CPAP: variants seen among roughly 807,000 people sequenced by gnomAD.
The protein encoded by CPAP is centrosome assembly and centriole elongation protein.
the CPAP span, chr13:24,892,999 TTAAGA>T: frequency 1.4e-6 from 1 of 733,748 alleles, no homozygotes; most frequent in Non-Finnish European, 2.3e-6. Flanking sequence ...CAGACGACAT[TTAAGA>T]CGAATGTCGT....
the CPAP span, chr13:24,913,230 G>C: frequency 1.8e-5 from 10 of 558,696 alleles, no homozygotes; most frequent in Middle Eastern, 9.3e-4. Flanking sequence ...AAAGCAATTG[G>C]GCATTGAGCT....
At chr13:24,903,820 T>A in the CPAP span, 2 of 1,249,608 alleles carry the variant, frequency 1.6e-6, no homozygotes, top group Non-Finnish European at 2.3e-6. Context: ...CCTTTTCAAT[T>A]ATATTTGTTT....
the CPAP span, chr13:24,884,522 T>C: frequency 6.5e-7 from 1 of 1,545,016 alleles, no homozygotes; most frequent in Non-Finnish European, 8.9e-7. Flanking sequence ...GTATGGCTAA[T>C]TCTCCTCCCA....
At chr13:24,922,881 G>C in the CPAP span, 1 of 152,570 alleles carries the variant, frequency 6.6e-6, no homozygotes, top group Non-Finnish European at 1.5e-5. Flanking sequence ...CCGAGGTCCT[G>C]TGGGAAGTGA....
chr13:24,895,554 C>CAAGAAAGAA, the CPAP span, among the ~76,000 whole-genome samples: 4 of 150,240 alleles, frequency 2.7e-5, no homozygotes, highest in Middle Eastern at 3.4e-3. Flanking sequence ...GAGACTCCGT[C>CAAGAAAGAA]AAGAAAGAAA....
chr13:24,904,000 T>C, the CPAP span: 2 of 1,614,136 alleles, frequency 1.2e-6, no homozygotes, highest in Non-Finnish European at 1.7e-6. Context: ...TAAACTTTTC[T>C]ATTTCTGTTT....
the CPAP span, among the ~76,000 whole-genome samples, chr13:24,930,301 A>G: frequency 8.3e-3 from 1,265 of 151,832 alleles, 5 homozygotes; most frequent in Non-Finnish European, 0.013. Context: ...AATAATCTTT[A>G]TTTTTTTAAA....
At chr13:24,894,225 C>T in the CPAP span, among the ~76,000 whole-genome samples, 1 of 152,118 alleles carries the variant, frequency 6.6e-6, no homozygotes, top group Non-Finnish European at 1.5e-5. Context: ...GGTGTCTGAG[C>T]GAAGGGGATC....
the CPAP span, chr13:24,912,822 T>C: frequency 2.5e-5 from 40 of 1,614,090 alleles, no homozygotes; most frequent in African/African-American, 4.8e-4. Context: ...CTTCTTCATT[T>C]ATAAAGCTGA....
At chr13:24,904,047 G>A in the CPAP span, 44 of 1,613,668 alleles carry the variant, frequency 2.7e-5, no homozygotes, top group Admixed American at 3.0e-4. Flanking sequence ...ACCTGGGATC[G>A]AGCATTGTCA....
chr13:24,913,119 T>C, the CPAP span: 3 of 1,108,932 alleles, frequency 2.7e-6, no homozygotes, highest in Non-Finnish European at 4.0e-6. Context: ...CAACAAAATG[T>C]ATTAGGTAAA....
the CPAP span, among the ~76,000 whole-genome samples, chr13:24,916,273 A>G: frequency 2.0e-5 from 3 of 152,218 alleles, no homozygotes; most frequent in Non-Finnish European, 2.9e-5. Context: ...ACTACTTTCC[A>G]GACACAATTC....
chr13:24,903,590 GT>G, the CPAP span, among the ~76,000 whole-genome samples: 2 of 152,222 alleles, frequency 1.3e-5, no homozygotes, highest in African/African-American at 4.8e-5. Flanking sequence ...CATTTCTATT[GT>G]TTAAAGCCAC....
At chr13:24,886,177 A>ACTG in the CPAP span, 2 of 552,556 alleles carry the variant, frequency 3.6e-6, no homozygotes, top group East Asian at 1.4e-4. Flanking sequence ...CTAAAAATAC[A>ACTG]CTGAAGTGCC....
At chr13:24,919,013 C>T in the CPAP span, among the ~76,000 whole-genome samples, 1 of 149,702 alleles carries the variant, frequency 6.7e-6, no homozygotes, top group Non-Finnish European at 1.5e-5. Flanking sequence ...TATAAAAAAG[C>T]CTGGAAAGAA....
At chr13:24,906,948 G>A in the CPAP span, 1 of 1,613,536 alleles carries the variant, frequency 6.2e-7, no homozygotes, top group Non-Finnish European at 8.5e-7. Context: ...ATTGGCAATG[G>A]TCCTTCTGCT....
chr13:24,915,447 ATAAAGATGGTATT>A, the CPAP span, among the ~76,000 whole-genome samples: 1 of 152,236 alleles, frequency 6.6e-6, no homozygotes, highest in East Asian at 1.9e-4. Context: ...CATCCTCAGC[ATAAAGATGGTATT>A]TAAAGCCTTG....
At chr13:24,895,955 C>A in the CPAP span, among the ~76,000 whole-genome samples, 2 of 152,156 alleles carry the variant, frequency 1.3e-5, no homozygotes, top group Admixed American at 6.5e-5. Context: ...TATTTTTCAA[C>A]ATAACTGTAA....
the CPAP span, chr13:24,908,241 T>C: frequency 2.8e-6 from 2 of 706,218 alleles, no homozygotes; most frequent in Non-Finnish European, 2.4e-6. Flanking sequence ...GTAATGTATA[T>C]CACAGATTTT....
Sources: gnomAD v4.1 joint callset for allele counts (sites outside exome capture counted in the v4.1 genomes callset) on GRCh38, gnomAD v4.1.1 for gene constraint, MANE v1.5 for transcripts, NCBI Gene and HGNC (gene_info 2026-07-23, HGNC 2026-07-21) for gene names.